STK24: variants seen among roughly 807,000 people sequenced by gnomAD.
STK24 encodes serine/threonine kinase 24, also known as serine/threonine-protein kinase 24.
Under a neutral mutation model 55.6 loss-of-function variants are expected in STK24, and 21 were observed. The ratio of observed to expected loss-of-function variants is 0.38; its 90% CI spans 0.27 to 0.54. The LOEUF (loss-of-function observed/expected upper bound fraction) is 0.54, where lower values mean the gene tolerates loss of function less well. STK24 is among the 20% of genes least tolerant of loss of function. The pLI, the probability that STK24 is intolerant of heterozygous loss-of-function variation, is 0.79. For missense variants in STK24, 383 were observed against 538.4 expected, an observed-to-expected ratio of 0.71 and a Z score of 2.86; for synonymous variants, 200 against 215.2, an observed-to-expected ratio of 0.93 and a Z score of 0.62.
chr13:98,538,100 G>C (rs1171455209), intron 1 of STK24, among the ~76,000 whole-genome samples: 1 of 152,058 alleles, frequency 6.6e-6, no homozygotes, highest in East Asian at 1.9e-4. Flanking sequence ...CTAATCCACA[G>C]GGATGTCAAC....
intron 9 of STK24, among the ~76,000 whole-genome samples, chr13:98,458,254 A>AAAAT (rs990551958): frequency 1.3e-5 from 2 of 152,200 alleles, no homozygotes; most frequent in Non-Finnish European, 2.9e-5. Context: ...GTGAACTGTG[A>AAAAT]AAATAAGAGC....
At chr13:98,548,051 C>T (rs138883610) in intron 1 of STK24, among the ~76,000 whole-genome samples, 429 of 152,278 alleles carry the variant, frequency 2.8e-3, no homozygotes, top group Middle Eastern at 6.8e-3. Context: ...GGAGCTGACA[C>T]CACATGAAGA....
In STK24 at chr13:98,561,977, CAAAAAAAAAAAA is replaced by C. The variant is rs10564690; in HGVS notation, c.42+14756_42+14767del. 2.5e-3 allele frequency among the ~76,000 whole-genome samples: 136 copies of C among 53,642 alleles called. 2 individuals are homozygous for C. The highest frequency in any genetic ancestry group is 8.9e-3 in the African/African-American group (130 of 14,536). 35.2% of individuals were successfully genotyped at this position (53,642 alleles called of 152,430 possible). A position where few individuals can be genotyped will look rare whatever the true frequency, so the allele number is the denominator to read the frequency against. On this transcript the variant is annotated intron_variant, in intron 1 of 10. Transcript: ENST00000539966. ...GGGTCAACAGAGTGAGACTCCGTCT[CAAAAAAAAAAAA>C]AAAAAAAAAAAAAGATGTGACACGC... is the stretch of plus-strand genomic sequence containing the variant.
chr13:98,478,760 C>A (rs1186598115), intron 3 of STK24, among the ~76,000 whole-genome samples: 1 of 152,182 alleles, frequency 6.6e-6, no homozygotes, highest in African/African-American at 2.4e-5. Context: ...GTAGCATTGT[C>A]CCTTTGTAAT....
At chr13:98,539,758 A>T (rs1198781661) in intron 1 of STK24, among the ~76,000 whole-genome samples, 1 of 152,234 alleles carries the variant, frequency 6.6e-6, no homozygotes, top group African/African-American at 2.4e-5. Context: ...TGGCCACTTC[A>T]GAAAGCCATT....
intron 1 of STK24, among the ~76,000 whole-genome samples, chr13:98,533,330 G>A (rs1016110050): frequency 6.6e-6 from 1 of 152,246 alleles, no homozygotes; most frequent in Non-Finnish European, 1.5e-5. Flanking sequence ...CTGCACTCCA[G>A]CCTGGGTGAC....
intron 1 of STK24, among the ~76,000 whole-genome samples, chr13:98,537,637 G>A (rs556228328): frequency 1.3e-5 from 2 of 152,276 alleles, no homozygotes; most frequent in Admixed American, 6.5e-5. Context: ...AGGTGGAGAC[G>A]TGCACCCGTA....
intron 2 of STK24, among the ~76,000 whole-genome samples, chr13:98,494,311 G>T (rs1372665813): frequency 6.8e-6 from 1 of 148,070 alleles, no homozygotes; most frequent in Non-Finnish European, 1.5e-5. Context: ...TCAGGAGGCT[G>T]AGTGAGGCAG....
chr13:98,543,804 C>T (rs1009786237), intron 1 of STK24, among the ~76,000 whole-genome samples: 3 of 152,162 alleles, frequency 2.0e-5, no homozygotes, highest in South Asian at 2.1e-4. Flanking sequence ...TTCTATTGAA[C>T]GGATCACCGC....
At chr13:98,543,480 T>C (rs1896944395) in intron 1 of STK24, among the ~76,000 whole-genome samples, 1 of 152,192 alleles carries the variant, frequency 6.6e-6, no homozygotes, top group Non-Finnish European at 1.5e-5. Flanking sequence ...TTCTGGTGCG[T>C]AATAAAGGCA....
At chr13:98,463,539 C>T in intron 7 of STK24, 152 bp downstream of exon 7, 4 of 915,942 alleles carry the variant, frequency 4.4e-6, no homozygotes, top group Non-Finnish European at 3.2e-6. Context: ...CCCAAACAGG[C>T]CCAGGCTGTG....
intron 9 of STK24, among the ~76,000 whole-genome samples, chr13:98,459,227 C>A (rs1415844551): frequency 6.6e-6 from 1 of 152,208 alleles, no homozygotes; most frequent in East Asian, 1.9e-4. Flanking sequence ...GCGCTCAACC[C>A]GGACATCCTA....
chr13:98,503,024 G>GGTTTTTTTTTTTTTTTT (rs759314930), intron 2 of STK24, among the ~76,000 whole-genome samples: 3 of 107,084 alleles, frequency 2.8e-5, no homozygotes, highest in African/African-American at 1.2e-4. Flanking sequence ...CTTTCCATGT[G>GGTTTTTTTTTTTTTTTT]TTTTTTTTTT....
chr13:98,494,428 A>AAAAAAAAAAAAAAAAAAAAAAAAT (rs58955737), intron 2 of STK24, among the ~76,000 whole-genome samples: 3 of 148,884 alleles, frequency 2.0e-5, no homozygotes, highest in Non-Finnish European at 3.0e-5. Context: ...AAAAAAAAAA[A>AAAAAAAAAAAAAAAAAAAAAAAAT]GTGCCTCTAA....
chr13:98,460,199 G>A (rs1374690834), intron 9 of STK24, among the ~76,000 whole-genome samples, 173 bp downstream of exon 9: 6 of 64,452 alleles, frequency 9.3e-5, no homozygotes, highest in Non-Finnish European at 2.1e-4. Context: ...CCAGGACAGG[G>A]GAGGCGCAAG....
intron 1 of STK24, among the ~76,000 whole-genome samples, chr13:98,535,385 ATATATG>A (rs1469852897): frequency 2.4e-4 from 32 of 131,202 alleles, no homozygotes; most frequent in African/African-American, 1.1e-3. Flanking sequence ...ATATATATAT[ATATATG>A]TGTGTATACA....
In STK24 at chr13:98,450,610, G is replaced by C. The variant is rs1161018828; in HGVS notation, c.*2563C>G. ...CAGTCCACGGCCCTCGTCTCCCAGA[G>C]GCTGAGTACCTCCCCAGGCTGCAGG... On this transcript the variant is annotated 3_prime_UTR_variant, in exon 11 of 11. Transcript: ENST00000539966. 6.6e-6 allele frequency: 1 copy of C among 152,310 alleles called. No homozygotes were observed. Among genetic ancestry groups the C allele is most frequent in the Non-Finnish European group, 1.5e-5 (1 of 68,136 alleles). The allele number at this position is 152,310 out of a possible 1,614,324, so 9.4% of individuals were successfully genotyped here.
chr13:98,490,132 G>A (rs1186144309), intron 2 of STK24, among the ~76,000 whole-genome samples: 4 of 152,192 alleles, frequency 2.6e-5, no homozygotes, highest in African/African-American at 4.8e-5. Context: ...AGGGAGTGGA[G>A]ATGGGTGCCT....
chr13:98,479,915 C>A (rs1251729355), intron 3 of STK24, among the ~76,000 whole-genome samples: 3 of 150,068 alleles, frequency 2.0e-5, no homozygotes, highest in Non-Finnish European at 4.4e-5. Flanking sequence ...GAGGACACTG[C>A]GGGGTCAAGG....
Sources: allele counts gnomAD v4.1 joint callset (sites outside exome capture counted in the v4.1 genomes callset), GRCh38; gene constraint gnomAD v4.1.1; transcripts MANE v1.5; gene names NCBI Gene and HGNC (gene_info 2026-07-23, HGNC 2026-07-21).